UBE2E1: variants seen among roughly 807,000 people sequenced by gnomAD.
UBE2E1 encodes ubiquitin conjugating enzyme E2 E1.
A neutral mutation model predicts 21.4 loss-of-function variants in UBE2E1; 6 were observed. That is an observed-to-expected ratio of 0.28 (90% confidence interval 0.15 to 0.55). UBE2E1 has a LOEUF of 0.55. UBE2E1 is among the 20% of genes least tolerant of loss of function. The pLI is 0.93. For missense variants in UBE2E1, 142 were observed against 236.5 expected (o/e 0.60, Z 2.62); for synonymous variants, 87 against 82.7 (o/e 1.05, Z -0.28).
intron 3 of UBE2E1, among the ~76,000 whole-genome samples, chr3:23,819,479 T>A (rs74527261): frequency 0.011 from 1,690 of 152,256 alleles, 19 homozygotes; most frequent in African/African-American, 0.038. Flanking sequence ...TCTAGGTATT[T>A]GTATAGAACT....
At chr3:23,861,578 A>G (rs970909539) in intron 3 of UBE2E1, among the ~76,000 whole-genome samples, 1 of 152,214 alleles carries the variant, frequency 6.6e-6, no homozygotes, top group Non-Finnish European at 1.5e-5. Flanking sequence ...TTCTGTGCCT[A>G]TAAAAACCCC....
intron 2 of UBE2E1, among the ~76,000 whole-genome samples, chr3:23,809,176 T>C (rs934832465): frequency 1.3e-5 from 2 of 152,238 alleles, no homozygotes; most frequent in African/African-American, 4.8e-5. Context: ...GTTTTGTTTT[T>C]GCAATGAATT....
At chr3:23,843,910 A>AT (rs1232387072) in intron 3 of UBE2E1, among the ~76,000 whole-genome samples, 1 of 151,968 alleles carries the variant, frequency 6.6e-6, no homozygotes, top group African/African-American at 2.4e-5. Flanking sequence ...TCTTTAATGT[A>AT]TTTTTTTCTG....
intron 3 of UBE2E1, among the ~76,000 whole-genome samples, chr3:23,884,907 C>T (rs954934476): frequency 6.6e-6 from 1 of 152,162 alleles, no homozygotes; most frequent in African/African-American, 2.4e-5. Context: ...ATCTGCAACC[C>T]CTGTATTAGT....
At chr3:23,890,204 A>C (rs149147301) in intron 5 of UBE2E1, among the ~76,000 whole-genome samples, 1 of 152,128 alleles carries the variant, frequency 6.6e-6, no homozygotes, top group Admixed American at 6.5e-5. Flanking sequence ...TCCAGTCTCT[A>C]CTGAACTCAG....
At chr3:23,820,650 A>T (rs1280481071) in intron 3 of UBE2E1, among the ~76,000 whole-genome samples, 1 of 152,214 alleles carries the variant, frequency 6.6e-6, no homozygotes, top group East Asian at 1.9e-4. Context: ...TGACAAAGTG[A>T]ATGCAAAGCC....
At chr3:23,848,601 GA>G (rs911295573) in intron 3 of UBE2E1, among the ~76,000 whole-genome samples, 3 of 150,970 alleles carry the variant, frequency 2.0e-5, no homozygotes, top group Admixed American at 6.6e-5. Flanking sequence ...CACAATTTTA[GA>G]AAAAAAAATA....
At chr3:23,882,495 G>A (rs906522929) in intron 3 of UBE2E1, among the ~76,000 whole-genome samples, 27 of 152,196 alleles carry the variant, frequency 1.8e-4, no homozygotes, top group Non-Finnish European at 3.1e-4. Context: ...CCGGGGCTGC[G>A]GGCGGAGCTG....
At position 23,876,198 on chromosome 3, in the gene UBE2E1, CTTCCT is replaced by C. The variant is rs1454657453; in HGVS notation, c.204-11363_204-11359del. ...TACATTCCTCACAGTACCAGAGCCT[CTTCCT>C]TTCCTCTTCCCCTCACCTTAGGTGA... On this transcript the variant is annotated intron_variant, in intron 3 of 5. Transcript: ENST00000306627. The surrounding 1 kb of genome is among the most constrained non-coding windows in gnomAD (Gnocchi z 4.3). 1.3e-5 allele frequency among the ~76,000 whole-genome samples: 2 copies of C among 152,198 alleles called. No homozygotes were observed. Among genetic ancestry groups the C allele is most frequent in the Admixed American group, 6.5e-5 (1 of 15,272 alleles).
chr3:23,813,674 C>G (rs1006781266), intron 3 of UBE2E1, among the ~76,000 whole-genome samples: 3 of 152,128 alleles, frequency 2.0e-5, no homozygotes, highest in Admixed American at 6.5e-5. Context: ...TCCTGAGTAG[C>G]TGGGATTATA....
rs897435856 is a variant in UBE2E1, at chr3:23,876,619, GGTTTTTT to G, written c.204-10936_204-10930del. Among the ~76,000 whole-genome samples the G allele has an allele frequency of 2.6e-5, 4 of 151,812 alleles. No individual in the cohort carries two copies. Among genetic ancestry groups the G allele is most frequent in the South Asian group, 2.1e-4 (1 of 4,810 alleles). On this transcript the variant is annotated intron_variant, in intron 3 of 5. Coordinates refer to ENST00000306627, the MANE Select transcript of UBE2E1 (RefSeq NM_003341.5). The surrounding 1 kb of genome is among the most constrained non-coding windows in gnomAD (Gnocchi z 4.3). The stretch of plus-strand genomic sequence containing the variant: ...TAAGCATTTTGTAAATTCAGTTTTG[GGTTTTTT>G]GTTTTTTGTTTCTTGTTTTTGTTTT...
intron 3 of UBE2E1, among the ~76,000 whole-genome samples, chr3:23,850,837 C>CTTTTTT (rs71057628): frequency 2.7e-3 from 349 of 128,374 alleles, no homozygotes; most frequent in Non-Finnish European, 4.7e-3. Context: ...CCACACCCAG[C>CTTTTTT]TTTTTTTTTT....
intron 3 of UBE2E1, among the ~76,000 whole-genome samples, chr3:23,878,252 A>G (rs936029847): frequency 6.6e-6 from 1 of 152,176 alleles, no homozygotes; most frequent in African/African-American, 2.4e-5. Context: ...AAGCTTCAGT[A>G]GCACCCAGGA....
At chr3:23,865,772 G>C (rs1700642845) in intron 3 of UBE2E1, among the ~76,000 whole-genome samples, 2 of 152,220 alleles carry the variant, frequency 1.3e-5, no homozygotes, top group African/African-American at 4.8e-5. Context: ...AGTAGCATAT[G>C]ACTCTGCCGT....
chr3:23,815,347 C>T (rs1157835721), intron 3 of UBE2E1, among the ~76,000 whole-genome samples: 1 of 151,906 alleles, frequency 6.6e-6, no homozygotes, highest in Non-Finnish European at 1.5e-5. Context: ...CTTTTTTTTC[C>T]CTAACACTGC....
chr3:23,813,209 C>G (rs1167836960), intron 3 of UBE2E1, among the ~76,000 whole-genome samples: 1 of 152,136 alleles, frequency 6.6e-6, no homozygotes, highest in African/African-American at 2.4e-5. Flanking sequence ...GGAGTCAAAG[C>G]TCAAAATACT....
rs72625897 is a variant in UBE2E1 at position 23,818,601 on chromosome 3, A to T, written c.203+7091A>T. ...TCTGTCTCTCTCTTATCTCTATATG[A>T]TAATTTTGTGGAGTCATTTGAAAGT... On this transcript the variant is annotated intron_variant, in intron 3 of 5. Coordinates refer to ENST00000306627, the MANE Select transcript of UBE2E1 (RefSeq NM_003341.5). 3.6e-3 allele frequency among the ~76,000 whole-genome samples: 542 copies of T among 152,260 alleles called. 11 individuals are homozygous for T. In the East Asian group the frequency reaches 0.044, roughly 12 times the overall value.
At position 23,858,684 on chromosome 3, in the gene UBE2E1, G is replaced by A. The variant is rs145531639; in HGVS notation, c.204-28883G>A. ...GTAAATTAAAATTTATGAAAAAAAT[G>A]TAATGCTTTCTCTTATTCTTACCAC... On this transcript the variant is annotated intron_variant, in intron 3 of 5. Transcript: ENST00000306627. Among the ~76,000 whole-genome samples the A allele has an allele frequency of 9.4e-3, 1,436 of 152,284 alleles. 23 individuals are homozygous for A. The highest frequency in any genetic ancestry group is 0.032 in the African/African-American group (1,342 of 41,552).
intron 3 of UBE2E1, among the ~76,000 whole-genome samples, chr3:23,828,672 G>A (rs1036822445): frequency 3.9e-5 from 6 of 152,188 alleles, no homozygotes; most frequent in African/African-American, 1.4e-4. Flanking sequence ...TAGATCATCT[G>A]GAGATACAAA....
Sources: gnomAD v4.1 joint callset for allele counts (sites outside exome capture counted in the v4.1 genomes callset) on GRCh38, gnomAD v4.1.1 for gene constraint, Gnocchi (gnomAD v3.1) non-coding constraint, MANE v1.5 for transcripts, NCBI Gene and HGNC (gene_info 2026-07-23, HGNC 2026-07-21) for gene names.